Variants in LINGO2 observed in about 807,000 individuals in gnomAD.
LINGO2 encodes the protein leucine-rich repeat and immunoglobulin-like domain-containing nogo receptor-interacting protein 2.
In LINGO2, 14 loss-of-function variants were observed where a neutral mutation model predicts 30.6. The ratio of observed to expected loss-of-function variants is 0.46; its 90% CI spans 0.30 to 0.72. The LOEUF (loss-of-function observed/expected upper bound fraction) is 0.72. LINGO2 is among the 30% of genes least tolerant of loss of function. The pLI, the probability that LINGO2 is intolerant of heterozygous loss-of-function variation, is 0.07. For missense variants in LINGO2, 729 were observed against 751.7 expected (o/e 0.97, Z 0.35); for synonymous variants, 317 against 288.5 (o/e 1.10, Z -1.00).
chr9:28,972,360 G>C, the LINGO2 span, among the ~76,000 whole-genome samples: 9 of 152,142 alleles, frequency 5.9e-5, no homozygotes, highest in Admixed American at 5.2e-4. Flanking sequence ...CTTTCAGACA[G>C]AGATTTCAAA....
intron 1 of LINGO2, among the ~76,000 whole-genome samples, chr9:28,538,286 A>G (rs188566785): frequency 1.1e-3 from 160 of 152,138 alleles, no homozygotes; most frequent in Admixed American, 6.0e-3. Context: ...TATTGTCTAT[A>G]AAAAGTATTG....
intron 3 of LINGO2, among the ~76,000 whole-genome samples, chr9:28,333,572 C>T (rs117590324): frequency 6.6e-6 from 1 of 152,086 alleles, no homozygotes; most frequent in Non-Finnish European, 1.5e-5. Context: ...CAAAATACCT[C>T]AAATGAAAAA....
intron 1 of LINGO2, among the ~76,000 whole-genome samples, chr9:28,575,067 C>G (rs755878991): frequency 6.6e-6 from 1 of 152,086 alleles, no homozygotes; most frequent in African/African-American, 2.4e-5. Context: ...AACCTGGATG[C>G]AGCTGGAGAA....
At chr9:28,917,333 T>G in the LINGO2 span, among the ~76,000 whole-genome samples, 1 of 152,190 alleles carries the variant, frequency 6.6e-6, no homozygotes, top group Non-Finnish European at 1.5e-5. Flanking sequence ...TTTCCTCTGT[T>G]TTATTGCTTC....
the LINGO2 span, among the ~76,000 whole-genome samples, chr9:29,047,051 A>AAAAAAAAAAAAAAAAACAAC: frequency 9.4e-6 from 1 of 106,908 alleles, no homozygotes; most frequent in Non-Finnish European, 2.0e-5. Flanking sequence ...AAAAAAAAAA[A>AAAAAAAAAAAAAAAAACAAC]CCAAAAACAA....
the LINGO2 span, among the ~76,000 whole-genome samples, chr9:28,699,755 G>T: frequency 6.6e-6 from 1 of 151,898 alleles, no homozygotes; most frequent in Non-Finnish European, 1.5e-5. Context: ...TGTATTCCTG[G>T]GGGGAGGTCT....
chr9:28,784,608 G>A, the LINGO2 span, among the ~76,000 whole-genome samples: 2 of 152,154 alleles, frequency 1.3e-5, no homozygotes, highest in Admixed American at 1.3e-4. Context: ...TATTCTAATT[G>A]TTCTCAAGGA....
the LINGO2 span, among the ~76,000 whole-genome samples, chr9:29,212,292 C>A: frequency 6.6e-6 from 1 of 151,866 alleles, no homozygotes; most frequent in East Asian, 1.9e-4. Context: ...CGCTGGCTCT[C>A]CGCGCTCACC....
the LINGO2 span, among the ~76,000 whole-genome samples, chr9:29,156,078 T>C: frequency 6.6e-6 from 1 of 152,150 alleles, no homozygotes; most frequent in Non-Finnish European, 1.5e-5. Context: ...AAAGCTTTGC[T>C]CTTGTTTTAT....
At chr9:29,089,265 A>T in the LINGO2 span, among the ~76,000 whole-genome samples, 3 of 151,576 alleles carry the variant, frequency 2.0e-5, no homozygotes, top group Non-Finnish European at 4.4e-5. Context: ...TAGTATTATT[A>T]TATACTAATA....
the LINGO2 span, among the ~76,000 whole-genome samples, chr9:28,678,795 G>C: frequency 7.9e-5 from 12 of 152,066 alleles, no homozygotes; most frequent in African/African-American, 2.4e-5. Flanking sequence ...GCAAACTTAA[G>C]ATGAGCTGGA....
chr9:28,195,552 A>G (rs997881304), intron 4 of LINGO2, among the ~76,000 whole-genome samples: 3 of 150,692 alleles, frequency 2.0e-5, no homozygotes, highest in Non-Finnish European at 4.4e-5. Context: ...AATTAAATAA[A>G]TATTAAAAGA....
intron 2 of LINGO2, among the ~76,000 whole-genome samples, chr9:28,461,124 TC>T (rs1825063718): frequency 6.6e-6 from 1 of 152,178 alleles, no homozygotes; most frequent in South Asian, 2.1e-4. Flanking sequence ...AATATTTGAT[TC>T]ACTTTTATAA....
the LINGO2 span, among the ~76,000 whole-genome samples, chr9:28,912,717 G>C: frequency 6.6e-6 from 1 of 151,958 alleles, no homozygotes; most frequent in African/African-American, 2.4e-5. Flanking sequence ...CCTCAGTCTT[G>C]GCTAGTCTAC....
At position 28,189,701 on chromosome 9, in the gene LINGO2, G is replaced by GAGGAAGGAAGGAAGGAAGGAAGGAAGGA. The variant is rs145816256; in HGVS notation, c.-87+105506_-87+105507insTCCTTCCTTCCTTCCTTCCTTCCTTCCT. Among the ~76,000 whole-genome samples the GAGGAAGGAAGGAAGGAAGGAAGGAAGGA allele has an allele frequency of 1.1e-3, 19 of 16,608 alleles. 1 individual carries two copies. Among genetic ancestry groups the GAGGAAGGAAGGAAGGAAGGAAGGAAGGA allele is most frequent in the African/African-American group, 3.2e-3 (18 of 5,696 alleles). The allele number at this position is 16,608 out of a possible 152,430, so 10.9% of individuals were successfully genotyped here. On this transcript the variant is annotated intron_variant, in intron 4 of 5. Coordinates refer to ENST00000379992, the Ensembl canonical transcript of LINGO2. ...GAAGGAAGGGAGGAAGGAAGGGAGG[G>GAGGAAGGAAGGAAGGAAGGAAGGAAGGA]AGGAAGGAAGGAAGGAAGGAAGGTT... is the stretch of plus-strand genomic sequence containing the variant.
the LINGO2 span, among the ~76,000 whole-genome samples, chr9:28,710,702 T>G: frequency 6.6e-6 from 1 of 152,084 alleles, no homozygotes; most frequent in African/African-American, 2.4e-5. Flanking sequence ...GTCCTAGGAA[T>G]AGCTTCCAGG....
chr9:29,180,354 C>T, the LINGO2 span, among the ~76,000 whole-genome samples: 3 of 152,178 alleles, frequency 2.0e-5, no homozygotes, highest in East Asian at 1.9e-4. Flanking sequence ...TAGTTTCCCA[C>T]GTTATACATG....
intron 1 of LINGO2, among the ~76,000 whole-genome samples, chr9:28,612,606 C>T (rs926615578): frequency 6.6e-6 from 1 of 152,092 alleles, no homozygotes; most frequent in African/African-American, 2.4e-5. Context: ...TAGCCAGCTT[C>T]TACCATTTGG....
At chr9:28,318,638 A>G (rs1824928757) in intron 3 of LINGO2, among the ~76,000 whole-genome samples, 1 of 152,176 alleles carries the variant, frequency 6.6e-6, no homozygotes, top group Admixed American at 6.5e-5. Flanking sequence ...GGACAGAGAG[A>G]TCAATTGTTG....
Sources: allele counts gnomAD v4.1 joint callset (sites outside exome capture counted in the v4.1 genomes callset), GRCh38; gene constraint gnomAD v4.1.1; transcripts MANE v1.5; gene names NCBI Gene and HGNC (gene_info 2026-07-23, HGNC 2026-07-21).